The following TMPRSS11F variants were observed in gnomAD, a reference collection of about 807,000 sequenced individuals.
TMPRSS11F encodes transmembrane protease serine 11F.
A neutral mutation model predicts 60.2 loss-of-function variants in TMPRSS11F; 47 were observed. The ratio of observed to expected loss-of-function variants is 0.78; its 90% CI spans 0.62 to 1.00. The LOEUF (loss-of-function observed/expected upper bound fraction) is 1.00. Among genes scored for constraint, TMPRSS11F ranks in the 50% least tolerant of loss-of-function variants. The pLI, the probability that TMPRSS11F is intolerant of heterozygous loss-of-function variation, is 0.00. For synonymous variants in TMPRSS11F, 166 were observed against 167.3 expected, an observed-to-expected ratio of 0.99 and a Z score of 0.06; for missense variants, 519 against 522.9, an observed-to-expected ratio of 0.99 and a Z score of 0.07.
intron 2 of TMPRSS11F, among the ~76,000 whole-genome samples, chr4:68,095,051 A>T (rs1724042743): frequency 1.3e-5 from 2 of 152,046 alleles, no homozygotes; most frequent in Non-Finnish European, 2.9e-5. Context: ...AGTTAGTGTC[A>T]TAATTCATGT....
At chr4:68,096,943 TC>T (rs1724086969) in intron 2 of TMPRSS11F, among the ~76,000 whole-genome samples, 1 of 152,202 alleles carries the variant, frequency 6.6e-6, no homozygotes, top group Admixed American at 6.6e-5. Flanking sequence ...GAATGTAATT[TC>T]CTTTACTGAA....
At chr4:68,110,970 T>C (rs1160345992) in intron 1 of TMPRSS11F, among the ~76,000 whole-genome samples, 3 of 152,130 alleles carry the variant, frequency 2.0e-5, no homozygotes, top group Non-Finnish European at 4.4e-5. Context: ...TTCAAAACCA[T>C]AGTACTAAGT....
At chr4:68,102,824 G>C (rs1224441294) in intron 1 of TMPRSS11F, among the ~76,000 whole-genome samples, 1 of 151,884 alleles carries the variant, frequency 6.6e-6, no homozygotes, top group Non-Finnish European at 1.5e-5. Flanking sequence ...GTTTGATGTT[G>C]TTCTGCTTAT....
At chr4:68,084,769 A>G (rs1723774365) in intron 3 of TMPRSS11F, among the ~76,000 whole-genome samples, 1 of 150,798 alleles carries the variant, frequency 6.6e-6, no homozygotes. Flanking sequence ...GTTTTAGGGT[A>G]CATGTGCACA....
At chr4:68,094,663 C>T (rs182624236) in intron 2 of TMPRSS11F, among the ~76,000 whole-genome samples, 6 of 151,948 alleles carry the variant, frequency 3.9e-5, no homozygotes, top group African/African-American at 1.4e-4. Flanking sequence ...AATATAATCC[C>T]TACATTCCTG....
At position 68,057,282 on chromosome 4, in the gene TMPRSS11F, C is replaced by CAA. The variant is rs869035642; in HGVS notation, c.1158+2042_1158+2043dup. ...CCTGAGTGACAAAGCGAGACTGTCT[C>CAA]AAAAAAAAAAAAAAAAAAAGGAGAA... On this transcript the variant is annotated intron_variant, in intron 9 of 9. Coordinates refer to ENST00000356291, the MANE Select transcript of TMPRSS11F (RefSeq NM_207407.2). Among the ~76,000 whole-genome samples the CAA allele has an allele frequency of 3.3e-3, 187 of 56,892 alleles. 1 individual carries two copies. The highest frequency in any genetic ancestry group is 0.01 in the African/African-American group (179 of 17,590). 37.3% of individuals were successfully genotyped at this position (56,892 alleles called of 152,430 possible).
intron 8 of TMPRSS11F, chr4:68,063,222 G>GT: frequency 1.7e-6 from 1 of 582,004 alleles, no homozygotes. Flanking sequence ...TCTAAAACAG[G>GT]TAAGTTCATG....
chr4:68,074,361 T>C (rs1723542009), intron 3 of TMPRSS11F, among the ~76,000 whole-genome samples: 1 of 152,236 alleles, frequency 6.6e-6, no homozygotes, highest in Non-Finnish European at 1.5e-5. Flanking sequence ...CCTTGTCTGG[T>C]ATCTACTAAG....
At chr4:68,129,650 AAAC>A (rs969485676) in intron 1 of TMPRSS11F, among the ~76,000 whole-genome samples, 157 bp downstream of exon 1, 9 of 152,180 alleles carry the variant, frequency 5.9e-5, no homozygotes, top group African/African-American at 1.9e-4. Flanking sequence ...TGATATTTAA[AAAC>A]AACAACAATA....
rs759352634 is a variant in TMPRSS11F at position 68,068,745 on chromosome 4, T to C, written c.628A>G (p.Arg210Gly). ...SSSTQRIVQG[R>G]ETAMEGEWPW... ...CATTCCCCTTCCATAGCTGTTTCCC[T>C]TCCTTGGACAATTCTTTGAGTAGAA... The change falls in exon 7 of 10, where the codon AGG becomes GGG. Residue 210 changes from arginine (R) to glycine (G), a missense_variant. By Grantham distance (125) the Arg-to-Gly change is moderately radical. Coordinates refer to ENST00000356291, the MANE Select transcript of TMPRSS11F (RefSeq NM_207407.2). The C allele has an allele frequency of 6.2e-7, 1 of 1,614,252 alleles. No homozygotes were observed. Among genetic ancestry groups the C allele is most frequent in the Non-Finnish European group, 8.5e-7 (1 of 1,180,036 alleles).
chr4:68,078,534 T>C (rs1017241199), intron 3 of TMPRSS11F, among the ~76,000 whole-genome samples: 6 of 152,240 alleles, frequency 3.9e-5, no homozygotes, highest in African/African-American at 1.4e-4. Flanking sequence ...ATATATCCAA[T>C]GTTCCACACA....
intron 5 of TMPRSS11F, among the ~76,000 whole-genome samples, chr4:68,071,391 A>G (rs2109844363): frequency 6.6e-6 from 1 of 152,318 alleles, no homozygotes; most frequent in East Asian, 1.9e-4. Context: ...TTGGGAAGGG[A>G]GAAGTCTTTT....
intron 2 of TMPRSS11F, among the ~76,000 whole-genome samples, chr4:68,091,476 C>A (rs1723929695): frequency 6.6e-6 from 1 of 152,044 alleles, no homozygotes; most frequent in African/African-American, 2.4e-5. Context: ...TATCTTTAGA[C>A]CAAACCTTTG....
chr4:68,109,694 G>T (rs549697410), intron 1 of TMPRSS11F, among the ~76,000 whole-genome samples: 2 of 152,274 alleles, frequency 1.3e-5, no homozygotes, highest in South Asian at 2.1e-4. Flanking sequence ...GAAGTTATTT[G>T]TCAGGACTAT....
At chr4:68,104,833 C>G (rs1299799654) in intron 1 of TMPRSS11F, among the ~76,000 whole-genome samples, 4 of 152,066 alleles carry the variant, frequency 2.6e-5, no homozygotes, top group Non-Finnish European at 4.4e-5. Context: ...TATGTTAAAC[C>G]AGCCTTGCAT....
chr4:68,057,497 C>T (rs949043774), intron 9 of TMPRSS11F, among the ~76,000 whole-genome samples: 23 of 151,892 alleles, frequency 1.5e-4, no homozygotes, highest in African/African-American at 5.3e-4. Flanking sequence ...CAAAAATAGG[C>T]AAATCAGATT....
intron 3 of TMPRSS11F, among the ~76,000 whole-genome samples, chr4:68,075,140 A>G (rs1723557885): frequency 6.6e-6 from 1 of 150,948 alleles, no homozygotes; most frequent in South Asian, 2.1e-4. Context: ...TCCCCACAAG[A>G]TTCCTTCCTC....
chr4:68,065,907 G>C (rs1324351784), intron 7 of TMPRSS11F, among the ~76,000 whole-genome samples: 1 of 152,094 alleles, frequency 6.6e-6, no homozygotes, highest in East Asian at 1.9e-4. Flanking sequence ...CATGAGGTCA[G>C]GAGTTCAAGA....
chr4:68,093,141 G>A (rs962239947), intron 2 of TMPRSS11F, among the ~76,000 whole-genome samples: 6 of 152,144 alleles, frequency 3.9e-5, no homozygotes, highest in Admixed American at 2.0e-4. Flanking sequence ...TGTAGAAATC[G>A]AATTTAATAA....
Sources: allele counts gnomAD v4.1 joint callset (sites outside exome capture counted in the v4.1 genomes callset), GRCh38; gene constraint gnomAD v4.1.1; transcripts MANE v1.5; gene names NCBI Gene and HGNC (gene_info 2026-07-23, HGNC 2026-07-21).